NUP153: variants seen among roughly 807,000 people sequenced by gnomAD.
NUP153 encodes nuclear pore complex protein Nup153.
NUP153 carries 27 observed loss-of-function variants against 134.6 expected under a neutral mutation model. The ratio of observed to expected loss-of-function variants is 0.20; its 90% confidence interval spans 0.15 to 0.28. The LOEUF is 0.28. NUP153 is among the 10% of genes least tolerant of loss of function. The pLI is 1.00. For synonymous variants in NUP153, 640 were observed against 623.5 expected (o/e 1.03, Z -0.40); for missense variants, 1,821 against 1,731.3 (o/e 1.05, Z -0.92).
Position 17,706,499 on chromosome 6 carries a change from C to A in NUP153, c.-112G>T. The A allele has an allele frequency of 1.3e-6, 1 of 754,748 alleles. No homozygotes were observed. Among genetic ancestry groups the A allele is most frequent in the South Asian group, 1.7e-5 (1 of 57,206 alleles). The allele number at this position is 754,748 out of a possible 1,614,324, so 46.8% of individuals were successfully genotyped here. ...CCCGGCCCCGGCCCAAAAGTCCGCC[C>A]GCGCTGTCCACACAGTGGGCACAAG... On this transcript the variant is annotated 5_prime_UTR_variant, in exon 1 of 22. Transcript: ENST00000262077. This position sits in a 1 kb window ranked among gnomAD's most constrained non-coding sequence, Gnocchi z 5.9.
intron 11 of NUP153, among the ~76,000 whole-genome samples, chr6:17,658,125 C>T (rs554073364): frequency 2.0e-5 from 3 of 152,292 alleles, no homozygotes; most frequent in South Asian, 2.1e-4. Flanking sequence ...GGAGGCTGGG[C>T]GTGATGGCTC....
At chr6:17,664,853 G>C (rs1767417437) in intron 9 of NUP153, among the ~76,000 whole-genome samples, 1 of 151,948 alleles carries the variant, frequency 6.6e-6, no homozygotes, top group African/African-American at 2.4e-5. Flanking sequence ...AGGAGTTCGA[G>C]ACCAGCCTGG....
intron 8 of NUP153, 133 bp downstream of exon 8, chr6:17,668,842 C>CAA (rs375323904): frequency 2.2e-4 from 108 of 493,634 alleles, no homozygotes; most frequent in South Asian, 2.5e-4. Flanking sequence ...GACTGAGACT[C>CAA]AAAAAAAAAA....
intron 5 of NUP153, among the ~76,000 whole-genome samples, chr6:17,672,049 G>A (rs1767946550): frequency 6.6e-6 from 1 of 151,950 alleles, no homozygotes; most frequent in South Asian, 2.1e-4. Flanking sequence ...CTAGCAGACT[G>A]TAGAAACAAG....
At position 17,635,104 on chromosome 6, in the gene NUP153, C is replaced by CTTTTTTTTTTTTTTTTTTTTTTTTTTTTT. The variant is rs59700511; in HGVS notation, c.2464+2048_2464+2049insAAAAAAAAAAAAAAAAAAAAAAAAAAAAA. On this transcript the variant is annotated intron_variant, in intron 16 of 21. Coordinates refer to ENST00000262077, the MANE Select transcript of NUP153 (RefSeq NM_005124.4). ...CCACAGGTTGCACAGCTTGGCTTATCTTTTTTTTTTTTTTTTTTTTTTTGA... is the reference window on the plus strand; with the variant it reads ...CCACAGGTTGCACAGCTTGGCTTATCTTTTTTTTTTTTTTTTTTTTTTTTTTTTTTTTTTTTTTTTTTTTTTTTTTTTGA... 1.9e-5 allele frequency among the ~76,000 whole-genome samples: 2 copies of CTTTTTTTTTTTTTTTTTTTTTTTTTTTTT among 104,262 alleles called. 1 individual carries two copies. The highest frequency in any genetic ancestry group is 7.9e-5 in the African/African-American group (2 of 25,454). The allele number at this position is 104,262 out of a possible 152,430, so 68.4% of individuals were successfully genotyped here.
At chr6:17,705,982 G>A (rs977258729) in intron 1 of NUP153, among the ~76,000 whole-genome samples, 2 of 152,148 alleles carry the variant, frequency 1.3e-5, no homozygotes, top group African/African-American at 4.8e-5. Context: ...AAAGAAACGC[G>A]CGCATCATGG....
chr6:17,632,320 CAAAA>C (rs756352194), intron 17 of NUP153, among the ~76,000 whole-genome samples: 1 of 140,184 alleles, frequency 7.1e-6, no homozygotes, highest in Admixed American at 7.1e-5. Context: ...AACAAACAAA[CAAAA>C]AAACAAACAA....
Position 17,639,919 on chromosome 6 carries a change from T to C in NUP153, c.1846+20A>G. On this transcript the variant is annotated intron_variant, in intron 15 of 21. Transcript: ENST00000262077. ...GATCATGAGTTTGTAATCAAAAGGC[T>C]TATCTTTTAATTATCTTACCAGGGC... The C allele has an allele frequency of 6.3e-7, 1 of 1,586,640 alleles. No homozygotes were observed. Among genetic ancestry groups the C allele is most frequent in the Non-Finnish European group, 8.5e-7 (1 of 1,169,690 alleles).
intron 11 of NUP153, among the ~76,000 whole-genome samples, chr6:17,657,349 C>T (rs984770351): frequency 2.7e-5 from 4 of 150,580 alleles, no homozygotes; most frequent in Non-Finnish European, 4.4e-5. Context: ...TCGAGACCAG[C>T]CTGGACAACA....
At chr6:17,693,492 G>C (rs1769413852) in intron 1 of NUP153, among the ~76,000 whole-genome samples, 1 of 152,188 alleles carries the variant, frequency 6.6e-6, no homozygotes, top group Non-Finnish European at 1.5e-5. Flanking sequence ...TCCAGTCCTA[G>C]AGAAGGTAGT....
Position 17,628,933 on chromosome 6 carries a change from G to A in NUP153, c.3266C>T (p.Pro1089Leu), listed in dbSNP as rs1237865117. 6.2e-7 allele frequency: 1 copy of A among 1,614,188 alleles called. No individual in the cohort carries two copies. Among genetic ancestry groups the A allele is most frequent in the Non-Finnish European group, 8.5e-7 (1 of 1,180,032 alleles). The change falls in exon 18 of 22, where the codon CCT becomes CTT. Residue 1089 changes from proline (P) to leucine (L), a missense_variant. Transcript: ENST00000262077. This position sits in a 1 kb window ranked among gnomAD's most constrained non-coding sequence, Gnocchi z 5.4. ...KGGFSFGNVEPASLPSASVFV... is the reference protein window; with the variant it reads ...KGGFSFGNVELASLPSASVFV... ...CACTGAGGCAGATGGCAGAGAGGCA[G>A]GCTCCACGTTGCCAAAAGAGAATCC...
chr6:17,652,117 TA>T (rs1255628174), intron 11 of NUP153, among the ~76,000 whole-genome samples: 1 of 152,154 alleles, frequency 6.6e-6, no homozygotes, highest in Middle Eastern at 3.2e-3. Context: ...TTGGCAATTT[TA>T]ACCCCCATCT....
intron 2 of NUP153, among the ~76,000 whole-genome samples, chr6:17,681,781 A>G (rs977397285): frequency 7.9e-5 from 12 of 152,180 alleles, no homozygotes; most frequent in Non-Finnish European, 1.6e-4. Flanking sequence ...CACTATGAAC[A>G]TGCTTTTTAC....
At position 17,629,231 on chromosome 6, in the gene NUP153, T is replaced by A. The variant is rs1183202576; in HGVS notation, c.2968A>T (p.Ser990Cys). 6.2e-7 allele frequency: 1 copy of A among 1,613,570 alleles called. No homozygotes were observed. ...AATGGAGTTAAAGAAACTGGGTTGC[T>A]TAAACCAGAAGAAAGTCCAAACTTA... ...NFKFGLSSGL[S>C]NPVSLTPFQF... is the part of the protein sequence containing the mutation. The change falls in exon 18 of 22, where the codon AGC becomes TGC. Residue 990 changes from serine to cysteine, a missense_variant. Ser to Cys is a moderately radical substitution (Grantham distance 112). Transcript: ENST00000262077.
intron 2 of NUP153, among the ~76,000 whole-genome samples, chr6:17,687,894 C>G (rs1769030038): frequency 6.6e-6 from 1 of 152,030 alleles, no homozygotes; most frequent in South Asian, 2.1e-4. Flanking sequence ...GCGGATGGAT[C>G]ATGAGGTCAG....
chr6:17,642,634 T>TC (rs1328479724), intron 14 of NUP153, among the ~76,000 whole-genome samples: 2 of 152,196 alleles, frequency 1.3e-5, no homozygotes, highest in Non-Finnish European at 2.9e-5. Context: ...TAGTGATTCT[T>TC]CAAAAAGTTT....
At chr6:17,684,155 A>C in intron 2 of NUP153, among the ~76,000 whole-genome samples, 1 of 152,204 alleles carries the variant, frequency 6.6e-6, no homozygotes, top group East Asian at 1.9e-4. Context: ...ATGCCCACAC[A>C]GTTTGCAGAA....
At chr6:17,644,271 T>C (rs1001780606) in intron 14 of NUP153, among the ~76,000 whole-genome samples, 2 of 152,148 alleles carry the variant, frequency 1.3e-5, no homozygotes, top group African/African-American at 4.8e-5. Flanking sequence ...GATAAGGTAA[T>C]ATCTCCCAAC....
intron 2 of NUP153, among the ~76,000 whole-genome samples, chr6:17,683,858 A>G (rs1299561249): frequency 2.0e-5 from 3 of 152,010 alleles, no homozygotes; most frequent in African/African-American, 7.3e-5. Context: ...TAGTCATCTG[A>G]TAGTTTAGAT....
Sources: allele counts gnomAD v4.1 joint callset (sites outside exome capture counted in the v4.1 genomes callset), GRCh38; gene constraint gnomAD v4.1.1; non-coding constraint Gnocchi (gnomAD v3.1); transcripts MANE v1.5; gene names NCBI Gene and HGNC (gene_info 2026-07-23, HGNC 2026-07-21).